The following SUSD5 variants were observed in gnomAD, a reference collection of about 807,000 sequenced individuals.
SUSD5 encodes the protein sushi domain containing 5.
In SUSD5, 33 loss-of-function variants were observed where a neutral mutation model predicts 29.5. The ratio of observed to expected loss-of-function variants is 1.12; its 90% confidence interval spans 0.85 to 1.49. The LOEUF is 1.49. SUSD5 is among the 40% of genes most tolerant of loss of function. The pLI is 0.00. For synonymous variants in SUSD5, 308 were observed against 325.3 expected, an observed-to-expected ratio of 0.95 and a Z score of 0.57; for missense variants, 776 against 800.6, an observed-to-expected ratio of 0.97 and a Z score of 0.37.
At chr3:33,166,996 T>C (rs1159613983) in intron 4 of SUSD5, among the ~76,000 whole-genome samples, 7 of 152,032 alleles carry the variant, frequency 4.6e-5, no homozygotes, top group Middle Eastern at 3.2e-3. Context: ...CTGGCCAACA[T>C]GGCGAAACCC....
chr3:33,166,944 C>T (rs1412843678), intron 4 of SUSD5, among the ~76,000 whole-genome samples: 2 of 151,988 alleles, frequency 1.3e-5, no homozygotes, highest in East Asian at 1.9e-4. Flanking sequence ...TTTGGGAGGC[C>T]GAGGCAAGTG....
chr3:33,159,820 T>C (rs1278548035), intron 4 of SUSD5, among the ~76,000 whole-genome samples: 1 of 151,750 alleles, frequency 6.6e-6, no homozygotes, highest in Non-Finnish European at 1.5e-5. Context: ...AACAGCAACC[T>C]CACGAAAAGG....
intron 4 of SUSD5, among the ~76,000 whole-genome samples, chr3:33,164,386 A>C (rs1387548656): frequency 1.3e-5 from 2 of 152,218 alleles, no homozygotes; most frequent in Non-Finnish European, 2.9e-5. Flanking sequence ...TTTCAGATTT[A>C]CATGATGAAA....
chr3:33,169,327 T>C (rs1375805869), intron 4 of SUSD5, among the ~76,000 whole-genome samples: 2 of 152,122 alleles, frequency 1.3e-5, no homozygotes, highest in Non-Finnish European at 2.9e-5. Flanking sequence ...TTCAAGTGAT[T>C]CTTCTGCCTC....
At chr3:33,162,842 G>T (rs1226045493) in intron 4 of SUSD5, among the ~76,000 whole-genome samples, 1 of 151,594 alleles carries the variant, frequency 6.6e-6, no homozygotes, top group Non-Finnish European at 1.5e-5. Context: ...ATCTGAACCT[G>T]GGAGGCAGAG....
At chr3:33,178,632 G>C (rs1317992093) in intron 3 of SUSD5, among the ~76,000 whole-genome samples, 2 of 152,076 alleles carry the variant, frequency 1.3e-5, no homozygotes, top group Non-Finnish European at 2.9e-5. Flanking sequence ...ATTTTTAGTA[G>C]AGACAGGGTT....
chr3:33,190,999 CT>C lies in SUSD5; in HGVS notation c.410-15926del, dbSNP rs112769277. On this transcript the variant is annotated intron_variant, in intron 3 of 4. Coordinates refer to ENST00000309558, the MANE Select transcript of SUSD5 (RefSeq NM_015551.2). ...CAGTAAGATTTAGGAGCTTATATAC[CT>C]TCTTCATAGAGCATATTATGTACCC... Among the ~76,000 whole-genome samples, 774 of 152,178 alleles carry C rather than the reference CT, an allele frequency of 5.1e-3. 11 individuals are homozygous for C. The highest frequency in any genetic ancestry group is 0.017 in the African/African-American group (722 of 41,496).
intron 2 of SUSD5, among the ~76,000 whole-genome samples, chr3:33,208,318 T>C (rs1194021508): frequency 3.9e-5 from 6 of 152,182 alleles, no homozygotes; most frequent in African/African-American, 4.8e-5. Context: ...TAGATTTCCT[T>C]CTAGGTATAG....
At position 33,151,364 on chromosome 3, in the gene SUSD5, T is replaced by G. The variant is rs1315771226; in HGVS notation, c.*1378A>C. On this transcript the variant is annotated 3_prime_UTR_variant, in exon 5 of 5. Transcript: ENST00000309558. ...CCTCGCTGAGCCACCCTAAGATGAT[T>G]TAGATGCTACGAAATGGGTTACCCA... The G allele has an allele frequency of 6.6e-6, 1 of 152,184 alleles. No homozygotes were observed. Among genetic ancestry groups the G allele is most frequent in the African/African-American group, 2.4e-5 (1 of 41,416 alleles). 9.4% of individuals were successfully genotyped at this position (152,184 alleles called of 1,614,324 possible).
chr3:33,166,007 C>T (rs865775242), intron 4 of SUSD5, among the ~76,000 whole-genome samples: 1 of 108,440 alleles, frequency 9.2e-6, no homozygotes, highest in Non-Finnish European at 2.2e-5. Flanking sequence ...TGAGACCCCC[C>T]TCTCCAAAAA....
intron 4 of SUSD5, among the ~76,000 whole-genome samples, chr3:33,159,513 CCTT>C (rs1354755607): frequency 1.3e-5 from 2 of 152,154 alleles, no homozygotes; most frequent in East Asian, 1.9e-4. Flanking sequence ...TCTTCTTCCT[CCTT>C]CTTCTACCTC....
intron 4 of SUSD5, chr3:33,168,660 A>AT: frequency 4.3e-6 from 4 of 922,246 alleles, no homozygotes; most frequent in Non-Finnish European, 5.2e-6. Flanking sequence ...TTTTATTTTT[A>AT]TTTTTTTGAG....
At chr3:33,184,517 G>A (rs1291124219) in intron 3 of SUSD5, among the ~76,000 whole-genome samples, 1 of 151,990 alleles carries the variant, frequency 6.6e-6, no homozygotes, top group Non-Finnish European at 1.5e-5. Flanking sequence ...TATTGCTTCT[G>A]TTCCTTTCTT....
intron 4 of SUSD5, among the ~76,000 whole-genome samples, chr3:33,155,736 T>C (rs1463613505): frequency 3.3e-5 from 5 of 152,180 alleles, no homozygotes; most frequent in South Asian, 2.1e-4. Context: ...CACAACAAAA[T>C]AGATGAATTG....
rs566608839 is a variant in SUSD5 at position 33,161,993 on chromosome 3, G to T, written c.599-7960C>A. ...AATAAATATGACTTCTTTGAAATGT[G>T]TAGATGACATCCAACAACTATAGAA... On this transcript the variant is annotated intron_variant, in intron 4 of 4. Transcript: ENST00000309558. Among the ~76,000 whole-genome samples the T allele has an allele frequency of 3.9e-4, 60 of 152,170 alleles. 1 individual carries two copies. Among genetic ancestry groups the T allele is most frequent in the Middle Eastern group, 6.9e-3 (2 of 290 alleles).
intron 3 of SUSD5, among the ~76,000 whole-genome samples, chr3:33,183,224 A>T (rs1015413700): frequency 1.3e-5 from 2 of 152,098 alleles, no homozygotes; most frequent in African/African-American, 4.8e-5. Context: ...TAGACCATTG[A>T]TGTCTAAAGT....
chr3:33,211,503 C>A (rs1169665845), intron 2 of SUSD5, among the ~76,000 whole-genome samples: 1 of 152,186 alleles, frequency 6.6e-6, no homozygotes, highest in East Asian at 1.9e-4. Flanking sequence ...GCAGAGAGGA[C>A]CACAGTTCCA....
At chr3:33,187,500 C>T (rs554901885) in intron 3 of SUSD5, among the ~76,000 whole-genome samples, 1 of 152,284 alleles carries the variant, frequency 6.6e-6, no homozygotes, top group African/African-American at 2.4e-5. Context: ...GTGCCAAAAA[C>T]ACCACTCATA....
chr3:33,213,996 C>G lies in SUSD5; in HGVS notation c.222G>C (p.Leu74=), dbSNP rs2032376547. The change falls in exon 2 of 5, where the codon CTG becomes CTC. Residue 74 remains leucine, a synonymous_variant. Transcript: ENST00000309558. ...AGGAGCAATCCTGTACCACTCTCCG[C>G]AGCTCGTCTGCAGATGCCAGGTGAG... is the stretch of plus-strand genomic sequence containing the variant. ...RGAHLASADE[L]RRVVQDCSFA... 2 of 1,613,854 alleles carry G rather than the reference C, an allele frequency of 1.2e-6. No homozygotes were observed. The highest frequency in any genetic ancestry group is 1.7e-6 in the Non-Finnish European group (2 of 1,179,824).
Sources: gnomAD v4.1 joint callset for allele counts (sites outside exome capture counted in the v4.1 genomes callset) on GRCh38, gnomAD v4.1.1 for gene constraint, MANE v1.5 for transcripts, NCBI Gene and HGNC (gene_info 2026-07-23, HGNC 2026-07-21) for gene names.